The following MPDZ variants were observed in gnomAD, a reference collection of about 807,000 sequenced individuals.
MPDZ encodes multiple PDZ domain crumbs cell polarity complex component, also known as multiple PDZ domain protein.
A neutral mutation model predicts 239.1 loss-of-function variants in MPDZ; 234 were observed. The observed-to-expected ratio is 0.98, with a 90% confidence interval of 0.88 to 1.09. The LOEUF (loss-of-function observed/expected upper bound fraction) is 1.09. MPDZ is among the 50% of genes least tolerant of loss of function. MPDZ has a pLI of 0.00. For synonymous variants in MPDZ, 1,048 were observed against 881.3 expected, an observed-to-expected ratio of 1.19 and a Z score of -3.35; for missense variants, 3,175 against 2,510.0, an observed-to-expected ratio of 1.26 and a Z score of -5.66.
intron 35 of MPDZ, among the ~76,000 whole-genome samples, chr9:13,123,821 A>G (rs1438133332): frequency 6.6e-6 from 1 of 152,178 alleles, no homozygotes; most frequent in Non-Finnish European, 1.5e-5. Context: ...TTCTTATCCT[A>G]GAGCATCTCT....
chr9:13,266,647 T>C (rs1266577577), intron 1 of MPDZ, among the ~76,000 whole-genome samples: 7 of 152,202 alleles, frequency 4.6e-5, no homozygotes, highest in Non-Finnish European at 1.0e-4. Context: ...ATAGATTCAG[T>C]AGAGAGTCAA....
At chr9:13,254,714 C>A (rs769392774) in intron 1 of MPDZ, among the ~76,000 whole-genome samples, 2 of 152,162 alleles carry the variant, frequency 1.3e-5, no homozygotes, top group African/African-American at 2.4e-5. Flanking sequence ...TTACACTACA[C>A]TGTAGTCTAT....
chr9:13,219,699 C>T lies in MPDZ; in HGVS notation c.946G>A (p.Glu316Lys), dbSNP rs576981598. The change falls in exon 8 of 47, where the codon GAG (glutamate) becomes AAG (lysine). Residue 316 changes from glutamate (E) to lysine (K), a missense_variant. Coordinates refer to ENST00000319217, the MANE Select transcript of MPDZ (RefSeq NM_001378778.1). ...GDTDLAGMSS[E>K]QVAQVLRQCG... ...TGCCTAAGGACTTGTGCTACTTGCT[C>T]ACTGCTCATTCCTGCTAGATCTGTG... The T allele has an allele frequency of 8.1e-6, 13 of 1,612,790 alleles. No homozygotes were observed. Among genetic ancestry groups the T allele is most frequent in the South Asian group, 2.2e-5 (2 of 91,056 alleles).
chr9:13,260,876 T>G (rs1330131), intron 1 of MPDZ, among the ~76,000 whole-genome samples: 1 of 152,296 alleles, frequency 6.6e-6, no homozygotes, highest in Non-Finnish European at 1.5e-5. Flanking sequence ...CTAAACAATT[T>G]GTTATGGCAG....
At chr9:13,213,618 A>T (rs1007252366) in intron 10 of MPDZ, among the ~76,000 whole-genome samples, 2 of 152,090 alleles carry the variant, frequency 1.3e-5, no homozygotes, top group Non-Finnish European at 2.9e-5. Context: ...TAAAATGCTT[A>T]TATCTTTGTA....
At position 13,265,332 on chromosome 9, in the gene MPDZ, C is replaced by T. The variant is rs146758244; in HGVS notation, c.-58+14068G>A. On this transcript the variant is annotated intron_variant, in intron 1 of 46. Transcript: ENST00000319217. ...CACCTGTCATCCCAGCACTTTGGGA[C>T]GCTGAGGCGGTCAGATCACCTGAGG... Among the ~76,000 whole-genome samples, 6 of 152,260 alleles carry T rather than the reference C, an allele frequency of 3.9e-5. No homozygotes were observed. In the East Asian group the frequency reaches 5.8e-4, roughly 15 times the overall value.
chr9:13,257,599 G>T (rs548983941), intron 1 of MPDZ, among the ~76,000 whole-genome samples: 1 of 152,268 alleles, frequency 6.6e-6, no homozygotes, highest in Admixed American at 6.5e-5. Flanking sequence ...AAATCGATTG[G>T]TGTATGTTTA....
intron 3 of MPDZ, among the ~76,000 whole-genome samples, chr9:13,239,771 T>G (rs1219101437): frequency 6.6e-6 from 1 of 152,146 alleles, no homozygotes; most frequent in Admixed American, 6.5e-5. Flanking sequence ...GGTAAATGGA[T>G]GTCAAGCAAA....
chr9:13,165,223 A>T (rs1302146913), intron 22 of MPDZ: 7 of 801,320 alleles, frequency 8.7e-6, no homozygotes, highest in Non-Finnish European at 1.3e-5. Context: ...TTCTTACTTA[A>T]ACAAAGAAAA....
rs1369604677 is a variant in MPDZ at position 13,279,401 on chromosome 9, C to A, written c.-59G>T. 2 of 146,652 alleles carry A rather than the reference C, an allele frequency of 1.4e-5. No individual in the cohort carries two copies. The highest frequency in any genetic ancestry group is 3.0e-5 in the Non-Finnish European group (2 of 66,078). 9.1% of individuals were successfully genotyped at this position (146,652 alleles called of 1,614,324 possible). On this transcript the variant is annotated splice_region_variant and 5_prime_UTR_variant, in exon 1 of 47. Transcript: ENST00000319217. ...GGCCGGGGCTCAAGCGCCGCTTACC[C>A]GGCTCGCGGCGCCCGCCCAGGGCCG... is the stretch of plus-strand genomic sequence containing the variant.
At chr9:13,222,682 AT>A (rs1196699730) in intron 5 of MPDZ, among the ~76,000 whole-genome samples, 1 of 152,082 alleles carries the variant, frequency 6.6e-6, no homozygotes, top group Non-Finnish European at 1.5e-5. Context: ...AGTACTCTTT[AT>A]TTCAGCTACC....
At chr9:13,257,463 A>G (rs905866796) in intron 1 of MPDZ, among the ~76,000 whole-genome samples, 5 of 152,158 alleles carry the variant, frequency 3.3e-5, no homozygotes, top group Admixed American at 3.3e-4. Context: ...TATTTTCCAA[A>G]CTGTCTCACA....
chr9:13,130,348 T>A (rs1176571563), intron 32 of MPDZ, among the ~76,000 whole-genome samples: 1 of 152,180 alleles, frequency 6.6e-6, no homozygotes, highest in Non-Finnish European at 1.5e-5. Flanking sequence ...GCTCCCACTT[T>A]TAGACAATGC....
intron 3 of MPDZ, among the ~76,000 whole-genome samples, chr9:13,237,511 G>C (rs1436465625): frequency 6.9e-6 from 1 of 144,694 alleles, no homozygotes; most frequent in African/African-American, 2.5e-5. Flanking sequence ...TAAATTCAAT[G>C]ATTGTCTCAC....
At chr9:13,209,942 A>G (rs576509819) in intron 10 of MPDZ, among the ~76,000 whole-genome samples, 1 of 151,998 alleles carries the variant, frequency 6.6e-6, no homozygotes, top group African/African-American at 2.4e-5. Context: ...ACACACTAAT[A>G]AAAGAAATTA....
intron 11 of MPDZ, 117 bp downstream of exon 11, chr9:13,205,799 G>A (rs775501570): frequency 1.1e-6 from 1 of 946,050 alleles, no homozygotes; most frequent in Non-Finnish European, 1.5e-6. Context: ...ATAGTTGAGG[G>A]TAAAAAGCAT....
intron 35 of MPDZ, among the ~76,000 whole-genome samples, chr9:13,124,047 A>G (rs1235394048): frequency 6.6e-6 from 1 of 152,244 alleles, no homozygotes. Context: ...AAGAGCATAC[A>G]GCAAATAGCA....
Position 13,109,976 on chromosome 9 carries a change from C to A in MPDZ, c.5918G>T (p.Ser1973Ile), listed in dbSNP as rs771282310. ...SSLSFTGLTS[S>I]SIFQDDLGPP... is the part of the protein sequence containing the mutation. ...CCCTAAATCATCCTGAAATATACTG[C>A]TTGACGTCAGCCCAGTGAAAGAAAG... is the stretch of plus-strand genomic sequence containing the variant. Residue 1973 changes from serine to isoleucine, a missense_variant, in exon 45 of 47, where the codon AGC becomes ATC. Transcript: ENST00000319217. The A allele has an allele frequency of 6.2e-7, 1 of 1,613,016 alleles. No homozygotes were observed. The highest frequency in any genetic ancestry group is 8.5e-7 in the Non-Finnish European group (1 of 1,179,606).
chr9:13,223,460 T>C (rs373605357), intron 5 of MPDZ, 111 bp downstream of exon 5: 27 of 1,285,032 alleles, frequency 2.1e-5, no homozygotes, highest in Middle Eastern at 5.6e-4. Context: ...AATAACAGAT[T>C]ATGTTCAATT....
Sources: gnomAD v4.1 joint callset for allele counts (sites outside exome capture counted in the v4.1 genomes callset) on GRCh38, gnomAD v4.1.1 for gene constraint, MANE v1.5 for transcripts, NCBI Gene and HGNC (gene_info 2026-07-23, HGNC 2026-07-21) for gene names.